The following RHBDD3 variants were observed in gnomAD, a reference collection of about 807,000 sequenced individuals.
The protein encoded by RHBDD3 is rhomboid domain containing 3.
A neutral mutation model predicts 32.3 loss-of-function variants in RHBDD3; 34 were observed. The observed-to-expected ratio is 1.05, with a 90% confidence interval of 0.80 to 1.40. The LOEUF (loss-of-function observed/expected upper bound fraction) is 1.40. Ranked by LOEUF, RHBDD3 falls within the 40% of genes most tolerant of loss-of-function variation. The pLI is 0.00. For synonymous variants in RHBDD3, 249 were observed against 239.1 expected, an observed-to-expected ratio of 1.04 and a Z score of -0.38; for missense variants, 482 against 492.6, an observed-to-expected ratio of 0.98 and a Z score of 0.20.
At chr22:29,264,524 C>T in intron 3 of RHBDD3, 1 of 1,158,040 alleles carries the variant, frequency 8.6e-7, no homozygotes, top group Non-Finnish European at 1.1e-6. Context: ...TACTCTGCTT[C>T]TGTATTTACT....
rs1023955548 is a variant in RHBDD3, at chr22:29,267,417, C to T, written c.-43+9G>A. The T allele has an allele frequency of 6.5e-6, 1 of 152,824 alleles. No homozygotes were observed. Among genetic ancestry groups the T allele is most frequent in the Admixed American group, 6.5e-5 (1 of 15,280 alleles). The allele number at this position is 152,824 out of a possible 1,614,324, so 9.5% of individuals were successfully genotyped here. On this transcript the variant is annotated intron_variant, in intron 2 of 6. Coordinates refer to ENST00000216085, the MANE Select transcript of RHBDD3 (RefSeq NM_012265.3). ...GAAACGGGGCAGTGCACCACCAGGC[C>T]CTGCCTACCTTACTGGGAAGCCGGG...
Position 29,264,145 on chromosome 22 carries a change from G to A in RHBDD3, c.222C>T (p.Pro74=), listed in dbSNP as rs1259072176. ...PGLLLSLLLL[P]TVGWQQECHL... ...GGCACTCCTGCTGCCAGCCCACAGT[G>A]GGCAGGAGCAGCAGGCTCAGGAGCA... Residue 74 remains proline (P), a synonymous_variant, in exon 4 of 7, where the codon CCC becomes CCT. Coordinates refer to ENST00000216085, the MANE Select transcript of RHBDD3 (RefSeq NM_012265.3). 1.3e-6 allele frequency: 2 copies of A among 1,586,662 alleles called. No homozygotes were observed. The highest frequency in any genetic ancestry group is 2.3e-5 in the East Asian group (1 of 44,004).
At chr22:29,266,828 G>T (rs1249302975) in intron 2 of RHBDD3, among the ~76,000 whole-genome samples, 1 of 152,206 alleles carries the variant, frequency 6.6e-6, no homozygotes, top group Non-Finnish European at 1.5e-5. Context: ...CCAGTTTCCT[G>T]CAGGAAAAAT....
intron 1 of RHBDD3, 71 bp downstream of exon 1, chr22:29,267,677 G>A (rs923317400): frequency 2.5e-5 from 4 of 159,736 alleles, no homozygotes; most frequent in Non-Finnish European, 4.2e-5. Context: ...GGCGTTCGAG[G>A]CCTCCCACCC....
intron 2 of RHBDD3, among the ~76,000 whole-genome samples, chr22:29,267,157 T>TC (rs1194031806): frequency 6.6e-6 from 1 of 152,214 alleles, no homozygotes; most frequent in Non-Finnish European, 1.5e-5. Context: ...ACCCTGCCCT[T>TC]CGCGGACCCG....
chr22:29,262,118 G>C (rs1332762080), intron 4 of RHBDD3: 1 of 143,806 alleles, frequency 7.0e-6, no homozygotes, highest in Non-Finnish European at 1.5e-5. Context: ...ACAATATCTT[G>C]ATTATTATAA....
chr22:29,261,244 C>T, intron 4 of RHBDD3: 1 of 498,954 alleles, frequency 2.0e-6, no homozygotes, highest in Non-Finnish European at 4.1e-6. Context: ...TGTCACCAAT[C>T]CAGAGTGCAG....
At chr22:29,259,869 A>C (rs2058088452), downstream of RHBDD3, 20 of 601,240 alleles carry the variant, frequency 3.3e-5, no homozygotes, top group East Asian at 5.0e-4. Context: ...AAGGAGGTCC[A>C]GGTTGAAAAA....
chr22:29,267,724 G>A (rs902747785), intron 1 of RHBDD3, 24 bp downstream of exon 1: 1 of 165,442 alleles, frequency 6.0e-6, no homozygotes, highest in African/African-American at 2.4e-5. Flanking sequence ...CCGCTGGCCC[G>A]GGCCACGCGT....
chr22:29,264,136 G>T lies in RHBDD3; in HGVS notation c.231C>A (p.Gly77=). 2 of 1,585,404 alleles carry T rather than the reference G, an allele frequency of 1.3e-6. No individual in the cohort carries two copies. Among genetic ancestry groups the T allele is most frequent in the Non-Finnish European group, 1.7e-6 (2 of 1,167,130 alleles). Residue 77 remains glycine (G), a synonymous_variant, in exon 4 of 7, where the codon GGC becomes GGA. Transcript: ENST00000216085. ...LLSLLLLPTV[G]WQQECHLGTL... ...TGCCCAGGTGGCACTCCTGCTGCCAGCCCACAGTGGGCAGGAGCAGCAGGC... is the reference window on the plus strand; with the variant it reads ...TGCCCAGGTGGCACTCCTGCTGCCATCCCACAGTGGGCAGGAGCAGCAGGC...
Position 29,264,353 on chromosome 22 carries a change from T to G in RHBDD3, c.149-135A>C, listed in dbSNP as rs993460182. ...ACCTCCCCTCCCCAGGAGCCAGTCT[T>G]CCCACAGCCAGCACTTAATCATTGG... On this transcript the variant is annotated intron_variant, in intron 3 of 6. Transcript: ENST00000216085. 24 of 1,432,392 alleles carry G rather than the reference T, an allele frequency of 1.7e-5. No homozygotes were observed. The African/African-American group carries it at 3.3e-4, about 20-fold the overall frequency. 88.7% of individuals were successfully genotyped at this position (1,432,392 alleles called of 1,614,324 possible).
intron 4 of RHBDD3, chr22:29,261,247 G>T: frequency 2.0e-6 from 1 of 496,718 alleles, no homozygotes. Context: ...CACCAATCCA[G>T]AGTGCAGAGG....
intron 3 of RHBDD3, among the ~76,000 whole-genome samples, chr22:29,264,822 G>A (rs1171976148): frequency 6.6e-6 from 1 of 152,120 alleles, no homozygotes; most frequent in East Asian, 1.9e-4. Context: ...CTGTCACCCA[G>A]GCTGGAGTGC....
intron 4 of RHBDD3, 43 bp from the exon 5 acceptor site, chr22:29,260,907 G>A (rs752829280): frequency 1.5e-5 from 23 of 1,498,992 alleles, no homozygotes; most frequent in Non-Finnish European, 2.0e-5. Context: ...AAAACCAAAA[G>A]CAGCCAGGGG....
chr22:29,260,807 T>G lies in RHBDD3; in HGVS notation c.590A>C (p.Gln197Pro). 6.2e-7 allele frequency: 1 copy of G among 1,606,884 alleles called. No homozygotes were observed. The highest frequency in any genetic ancestry group is 8.5e-7 in the Non-Finnish European group (1 of 1,177,728). ...EPSERRLQVL[Q>P]EGVLCRTLAG... ...CAAGGTCCTGCACAAGACGCCCTCC[T>G]GCAGCACCTGCAGCCGTCGCTCTGA... Residue 197 changes from glutamine (Q) to proline (P), a missense_variant, in exon 5 of 7, where the codon CAG becomes CCG. By Grantham distance (76) the Gln-to-Pro change is moderately conservative. Coordinates refer to ENST00000216085, the MANE Select transcript of RHBDD3 (RefSeq NM_012265.3).
chr22:29,260,483 C>A lies in RHBDD3; in HGVS notation c.826G>T (p.Asp276Tyr). ...TWEGSSEAGLDWAGASFSPGT... is the reference protein window; with the variant it reads ...TWEGSSEAGLYWAGASFSPGT... ...GGGGAGAAGCTGGCCCCAGCCCAGT[C>A]CAGGCCTGCCTCTGAGGAGCCCTCC... Residue 276 changes from aspartate (D) to tyrosine (Y), a missense_variant, in exon 6 of 7, where the codon GAC becomes TAC. Physicochemically the swap from Asp to Tyr is radical, Grantham distance 160. Coordinates refer to ENST00000216085, the MANE Select transcript of RHBDD3 (RefSeq NM_012265.3). The A allele has an allele frequency of 6.2e-7, 1 of 1,605,680 alleles. No homozygotes were observed. Among genetic ancestry groups the A allele is most frequent in the Non-Finnish European group, 8.5e-7 (1 of 1,177,672 alleles).
rs995629582 is a variant in RHBDD3, at chr22:29,260,389, T to A, written c.920A>T (p.Asp307Val). 3 of 1,612,386 alleles carry A rather than the reference T, an allele frequency of 1.9e-6. No homozygotes were observed. The highest frequency in any genetic ancestry group is 2.7e-5 in the African/African-American group (2 of 74,922). The change falls in exon 6 of 7, where the codon GAC becomes GTC. Residue 307 changes from aspartate to valine, a missense_variant. Asp to Val is a radical substitution (Grantham distance 152). Coordinates refer to ENST00000216085, the MANE Select transcript of RHBDD3 (RefSeq NM_012265.3). ...LQEGIQASLL[D>V]GPAQEPQSAP... ...GCTCTGGGGTTCCTGGGCTGGCCCGTCAAGAAGCGAGGCCTGGATGCCCTC... is the reference window on the plus strand; with the variant it reads ...GCTCTGGGGTTCCTGGGCTGGCCCGACAAGAAGCGAGGCCTGGATGCCCTC...
intron 2 of RHBDD3, among the ~76,000 whole-genome samples, chr22:29,266,895 C>T (rs1161821728): frequency 1.3e-5 from 2 of 152,236 alleles, no homozygotes; most frequent in Admixed American, 6.5e-5. Context: ...CAGGCAAACT[C>T]CTATTTCACC....
At position 29,264,205 on chromosome 22, in the gene RHBDD3, C is replaced by G. The variant is rs1281979186; in HGVS notation, c.162G>C (p.Leu54=). ...GGGCCGTGTGGCCCAGGGCATGGGT[C>G]AGCAGCCGGTGCACTGGGAGAGAGA... The part of the protein sequence containing the change: ...LLDPWQVHRL[L]THALGHTALP... The change falls in exon 4 of 7, where the codon CTG becomes CTC. Residue 54 remains leucine (L), a synonymous_variant. Transcript: ENST00000216085. The G allele has an allele frequency of 6.5e-7, 1 of 1,540,732 alleles. No homozygotes were observed. Among genetic ancestry groups the G allele is most frequent in the African/African-American group, 1.4e-5 (1 of 73,164 alleles).
Sources: allele counts gnomAD v4.1 joint callset (sites outside exome capture counted in the v4.1 genomes callset), GRCh38; gene constraint gnomAD v4.1.1; transcripts MANE v1.5; gene names NCBI Gene and HGNC (gene_info 2026-07-23, HGNC 2026-07-21).